Variants in AK1 observed in about 807,000 individuals in gnomAD.
The protein encoded by AK1 is adenylate kinase 1.
A neutral mutation model predicts 23.9 loss-of-function variants in AK1; 13 were observed. That is an observed-to-expected ratio of 0.54 (90% CI 0.35 to 0.86). The LOEUF is 0.86. AK1 is among the 40% of genes least tolerant of loss of function. The pLI is 0.01. For synonymous variants in AK1, 97 were observed against 102.8 expected, an observed-to-expected ratio of 0.94 and a Z score of 0.34; for missense variants, 214 against 255.1, an observed-to-expected ratio of 0.84 and a Z score of 1.10.
chr9:127,874,703 C>T (rs1829497406), intron 1 of AK1, 54 bp from the exon 2 acceptor site: 1 of 1,566,042 alleles, frequency 6.4e-7, no homozygotes, highest in Admixed American at 1.7e-5. Flanking sequence ...CCCTGACTCA[C>T]CTTCCACTAA....
chr9:127,868,608 C>T lies in AK1; in HGVS notation c.325-96G>A. 7.2e-7 allele frequency: 1 copy of T among 1,386,168 alleles called. No individual in the cohort carries two copies. The highest frequency in any genetic ancestry group is 9.9e-7 in the Non-Finnish European group (1 of 1,008,634). The allele number at this position is 1,386,168 out of a possible 1,614,324, so 85.9% of individuals were successfully genotyped here. ...TCTATGAAGCCCCAGTAGATACCCC[C>T]TCAGACCTTCAATCCCTTCCCCAAG... On this transcript the variant is annotated intron_variant, in intron 5 of 6. Coordinates refer to ENST00000644144, the MANE Select transcript of AK1 (RefSeq NM_000476.3). The surrounding 1 kb of genome is among the most constrained non-coding windows in gnomAD (Gnocchi z 4.1).
intron 4 of AK1, 124 bp from the exon 5 acceptor site, chr9:127,872,063 C>A (rs368918727): frequency 2.5e-5 from 20 of 813,570 alleles, no homozygotes; most frequent in South Asian, 1.3e-4. Flanking sequence ...CCCAAACAAG[C>A]CTCCCCCTCC....
At chr9:127,876,433 C>T (rs945389294) in intron 1 of AK1, among the ~76,000 whole-genome samples, 5 of 152,202 alleles carry the variant, frequency 3.3e-5, no homozygotes, top group Admixed American at 6.5e-5. Context: ...GGGTCCAACT[C>T]GGCCCTGAGT....
chr9:127,873,170 C>T (rs532065070), intron 2 of AK1, 109 bp from the exon 3 acceptor site: 26 of 1,549,028 alleles, frequency 1.7e-5, no homozygotes, highest in East Asian at 1.2e-4. Context: ...GGACAGACAC[C>T]GCTGGCGCTC....
chr9:127,877,902 C>G (rs1829578968), upstream of AK1, among the ~76,000 whole-genome samples: 1 of 152,264 alleles, frequency 6.6e-6, no homozygotes, highest in Non-Finnish European at 1.5e-5. This position sits in a 1 kb window ranked among gnomAD's most constrained non-coding sequence, Gnocchi z 5.2. Context: ...ACGCGAACTA[C>G]ACTTTACAGT....
At position 127,868,935 on chromosome 9, in the gene AK1, C is replaced by T. The variant is rs10987766; in HGVS notation, c.325-423G>A. Among the ~76,000 whole-genome samples, 56,718 of 152,072 alleles carry T rather than the reference C, an allele frequency of 0.37. 10,833 individuals carry two copies. Among genetic ancestry groups the T allele is most frequent in the Non-Finnish European group, 0.39 (26,688 of 67,954 alleles). On this transcript the variant is annotated intron_variant, in intron 5 of 6. Coordinates refer to ENST00000644144, the MANE Select transcript of AK1 (RefSeq NM_000476.3). This position sits in a 1 kb window ranked among gnomAD's most constrained non-coding sequence, Gnocchi z 4.1. Reference sequence around the variant, plus strand: ...GGGCAGTCTCTCTGATGCCACCCCCCGCCCCCCAGTACTCCCCGCCTCCTG... The same window carrying T: ...GGGCAGTCTCTCTGATGCCACCCCCTGCCCCCCAGTACTCCCCGCCTCCTG...
In AK1 at chr9:127,871,216, G is replaced by A. The variant is rs918359230; in HGVS notation, c.324+607C>T. Reference sequence around the variant, plus strand: ...GGGAAGGTGTATCTGCAGGATGCTCGTGCTAGGAAGCTCAGGGCCATCATT... The same window carrying A: ...GGGAAGGTGTATCTGCAGGATGCTCATGCTAGGAAGCTCAGGGCCATCATT... On this transcript the variant is annotated intron_variant, in intron 5 of 6. Transcript: ENST00000644144. The surrounding 1 kb of genome is among the most constrained non-coding windows in gnomAD (Gnocchi z 4.4). Among the ~76,000 whole-genome samples, 4 of 151,624 alleles carry A rather than the reference G, an allele frequency of 2.6e-5. No homozygotes were observed. The highest frequency in any genetic ancestry group is 4.4e-5 in the Non-Finnish European group (3 of 68,018).
At chr9:127,874,398 T>G (rs1430999125) in intron 2 of AK1, 1 of 985,336 alleles carries the variant, frequency 1.0e-6, no homozygotes, top group African/African-American at 1.7e-5. Context: ...CTCAGGAGCC[T>G]TGGGGAGGCC....
Position 127,876,278 on chromosome 9 carries a change from C to A in AK1, c.-33+1345G>T, listed in dbSNP as rs555325863. 4.6e-5 allele frequency among the ~76,000 whole-genome samples: 7 copies of A among 152,352 alleles called. No individual in the cohort carries two copies. In the South Asian group the frequency reaches 1.4e-3, roughly 32 times the overall value. Reference sequence around the variant, plus strand: ...CACAACCACGCTGTACTGGGCCCCTCTTCTGTGCTGCGGGCCTGGGATCCC... The same window carrying A: ...CACAACCACGCTGTACTGGGCCCCTATTCTGTGCTGCGGGCCTGGGATCCC... On this transcript the variant is annotated intron_variant, in intron 1 of 6. Coordinates refer to ENST00000644144, the MANE Select transcript of AK1 (RefSeq NM_000476.3).
intron 1 of AK1, among the ~76,000 whole-genome samples, chr9:127,875,541 C>T (rs539278135): frequency 9.2e-5 from 14 of 151,946 alleles, no homozygotes; most frequent in African/African-American, 2.9e-4. Flanking sequence ...CGACCCCACC[C>T]GCACCGGGAC....
rs765150695 is a variant in AK1 at position 127,868,443 on chromosome 9, G to A, written c.394C>T (p.Arg132Cys). The A allele has an allele frequency of 9.9e-6, 16 of 1,610,362 alleles. No individual in the cohort carries two copies. Among genetic ancestry groups the A allele is most frequent in the East Asian group, 2.2e-5 (1 of 44,838 alleles). The part of the protein sequence containing the change: ...PETMTQRLLK[R>C]GETSGRVDDN... ...TCCACACGCCCGCTGGTCTCTCCAC[G>A]TTTCAAGAGCCGCTGGGTCATGGTC... The change falls in exon 6 of 7, where the codon CGT becomes TGT. Residue 132 changes from arginine to cysteine, a missense_variant. Arg to Cys is a radical substitution (Grantham distance 180). Coordinates refer to ENST00000644144, the MANE Select transcript of AK1 (RefSeq NM_000476.3). The surrounding 1 kb of genome is among the most constrained non-coding windows in gnomAD (Gnocchi z 4.1).
chr9:127,877,669 C>G lies in AK1; in HGVS notation c.-79G>C, dbSNP rs529856999. 1 of 152,252 alleles carries G rather than the reference C, an allele frequency of 6.6e-6. No homozygotes were observed. The allele number at this position is 152,252 out of a possible 1,614,324, so 9.4% of individuals were successfully genotyped here. A position where few individuals can be genotyped will look rare whatever the true frequency, so the allele number is the denominator to read the frequency against. On this transcript the variant is annotated 5_prime_UTR_variant, in exon 1 of 7. Transcript: ENST00000644144. The surrounding 1 kb of genome is among the most constrained non-coding windows in gnomAD (Gnocchi z 5.2). Reference sequence around the variant, plus strand: ...CGCCGGGGCCAGTGCGTGCCCTGCCCGTCCTCGCGGCGGCCGGCAAAGGCG... The same window carrying G: ...CGCCGGGGCCAGTGCGTGCCCTGCCGGTCCTCGCGGCGGCCGGCAAAGGCG...
At chr9:127,870,709 G>A (rs919623965) in intron 5 of AK1, among the ~76,000 whole-genome samples, 18 of 152,158 alleles carry the variant, frequency 1.2e-4, no homozygotes, top group Non-Finnish European at 2.4e-4. Context: ...CTGAGGTCTT[G>A]CAGCCACTCA....
At chr9:127,870,389 T>C (rs921073738) in intron 5 of AK1, among the ~76,000 whole-genome samples, 3 of 152,078 alleles carry the variant, frequency 2.0e-5, no homozygotes, top group Admixed American at 1.3e-4. Flanking sequence ...TTTTAGTACA[T>C]GAGTTTTCAC....
intron 1 of AK1, among the ~76,000 whole-genome samples, chr9:127,876,385 G>T (rs1359266432): frequency 6.6e-6 from 1 of 152,232 alleles, no homozygotes; most frequent in African/African-American, 2.4e-5. Context: ...GGAAACTGAG[G>T]CATGGGGAGG....
At chr9:127,872,879 C>T (rs1445328100) in intron 3 of AK1, 26 bp from the exon 4 acceptor site, 1 of 1,613,928 alleles carries the variant, frequency 6.2e-7, no homozygotes. Context: ...CATTCATAAA[C>T]CCCGAGACAC....
upstream of AK1, chr9:127,878,436 A>G (rs1047350096): frequency 1.3e-5 from 2 of 152,282 alleles, no homozygotes; most frequent in Non-Finnish European, 2.9e-5. Context: ...TAGACACAGC[A>G]GAGAACGGGA....
chr9:127,871,917 C>T lies in AK1; in HGVS notation c.230G>A (p.Arg77Gln), dbSNP rs375921903. ...ATTGACTTTGGCCACCATGGCATCC[C>T]GGAGCATGTCCAACACTGTCTCCTG... ...VPLETVLDML[R>Q]DAMVAKVNTS... The change falls in exon 5 of 7, where the codon CGG becomes CAG. Residue 77 changes from arginine to glutamine, a missense_variant. Transcript: ENST00000644144. This position sits in a 1 kb window ranked among gnomAD's most constrained non-coding sequence, Gnocchi z 4.4. The T allele has an allele frequency of 1.5e-5, 25 of 1,613,942 alleles. No individual in the cohort carries two copies. In the African/African-American group the frequency reaches 2.1e-4, roughly 14 times the overall value.
In AK1 at chr9:127,869,976, C is replaced by T. The variant is rs117417032; in HGVS notation, c.325-1464G>A. On this transcript the variant is annotated intron_variant, in intron 5 of 6. Transcript: ENST00000644144. The stretch of plus-strand genomic sequence containing the variant: ...CTGTCAGGACAATGGACATCTAGCC[C>T]GGGGAGTCCACAACGGGCACTGCCA... 4.1e-3 allele frequency among the ~76,000 whole-genome samples: 621 copies of T among 152,290 alleles called. 17 individuals are homozygous for T. In the East Asian group the frequency reaches 0.082, roughly 20 times the overall value.
Sources: allele counts gnomAD v4.1 joint callset (sites outside exome capture counted in the v4.1 genomes callset), GRCh38; gene constraint gnomAD v4.1.1; non-coding constraint Gnocchi (gnomAD v3.1); transcripts MANE v1.5; gene names NCBI Gene and HGNC (gene_info 2026-07-23, HGNC 2026-07-21).